PRSS23: variants seen among roughly 807,000 people sequenced by gnomAD.
PRSS23 encodes the protein serine protease 23.
A neutral mutation model predicts 34.7 loss-of-function variants in PRSS23; 25 were observed. That is an observed-to-expected ratio of 0.72 (90% CI 0.53 to 1.01). The LOEUF (loss-of-function observed/expected upper bound fraction) is 1.01, where lower values mean the gene tolerates loss of function less well. Ranked by LOEUF, PRSS23 falls within the 50% of genes least tolerant of loss-of-function variation. PRSS23 has a pLI of 0.00. For missense variants in PRSS23, 445 were observed against 475.6 expected, an observed-to-expected ratio of 0.94 and a Z score of 0.60; for synonymous variants, 176 against 186.6, an observed-to-expected ratio of 0.94 and a Z score of 0.46.
chr11:86,833,816 C>T (rs916486083), intron 2 of PRSS23, among the ~76,000 whole-genome samples: 1 of 152,154 alleles, frequency 6.6e-6, no homozygotes, highest in African/African-American at 2.4e-5. Flanking sequence ...TCAGTCCCCC[C>T]TCTCAACAGG....
chr11:86,875,733 TTC>T (rs1274169019), intron 2 of PRSS23, among the ~76,000 whole-genome samples: 1 of 152,230 alleles, frequency 6.6e-6, no homozygotes, highest in Non-Finnish European at 1.5e-5. Flanking sequence ...CCATCAATTA[TTC>T]TCTGTCATTT....
At chr11:86,901,050 G>T (rs2134983781) in intron 2 of PRSS23, among the ~76,000 whole-genome samples, 1 of 152,080 alleles carries the variant, frequency 6.6e-6, no homozygotes, top group African/African-American at 2.4e-5. Flanking sequence ...CTCCCAAAGT[G>T]CTGGGATTAC....
At chr11:86,951,809 C>A in exon 3 of PRSS23, 1 of 1,613,990 alleles carries the variant, frequency 6.2e-7, no homozygotes, top group Non-Finnish European at 8.5e-7. Context: ...CCAAATGGAG[C>A]TGGCCATTCC....
At chr11:86,904,036 A>C (rs1948927339) in intron 2 of PRSS23, among the ~76,000 whole-genome samples, 1 of 152,162 alleles carries the variant, frequency 6.6e-6, no homozygotes, top group African/African-American at 2.4e-5. Context: ...AGAAAAATAA[A>C]TCTAAAACCT....
exon 3 of PRSS23, chr11:86,952,603 CT>C: frequency 1.1e-6 from 1 of 931,874 alleles, no homozygotes. Context: ...TATCGGGAGT[CT>C]GTCTGTTTAC....
At chr11:86,841,365 A>C (rs1156647997) in intron 2 of PRSS23, among the ~76,000 whole-genome samples, 4 of 151,410 alleles carry the variant, frequency 2.6e-5, no homozygotes, top group Non-Finnish European at 4.4e-5. Context: ...AGAAGAAAAA[A>C]AAAAAAGAAC....
chr11:86,884,636 C>T (rs1488056468), intron 2 of PRSS23, among the ~76,000 whole-genome samples: 1 of 152,164 alleles, frequency 6.6e-6, no homozygotes, highest in Non-Finnish European at 1.5e-5. Context: ...TTTTCTTTCT[C>T]AAAACCTTAT....
chr11:86,839,078 G>A (rs191094355), intron 2 of PRSS23, among the ~76,000 whole-genome samples: 22 of 151,536 alleles, frequency 1.5e-4, no homozygotes, highest in South Asian at 2.1e-4. Context: ...ACAACAGAGC[G>A]CCTCTTCTCC....
intron 2 of PRSS23, among the ~76,000 whole-genome samples, chr11:86,904,222 A>C (rs1590921928): frequency 6.6e-6 from 1 of 152,114 alleles, no homozygotes; most frequent in African/African-American, 2.4e-5. Context: ...GGTGCTGTGT[A>C]TTTGCTGTCC....
chr11:86,939,520 T>C (rs1949192817), intron 2 of PRSS23, among the ~76,000 whole-genome samples: 1 of 150,134 alleles, frequency 6.7e-6, no homozygotes, highest in South Asian at 2.1e-4. Flanking sequence ...GCAAATATCA[T>C]GAGTCTTACA....
chr11:86,818,239 G>C (rs1449356244), intron 1 of PRSS23, among the ~76,000 whole-genome samples: 1 of 152,158 alleles, frequency 6.6e-6, no homozygotes, highest in African/African-American at 2.4e-5. Context: ...AATCATGTGT[G>C]ATTTGATTCA....
intron 2 of PRSS23, among the ~76,000 whole-genome samples, chr11:86,914,518 C>T (rs79340898): frequency 0.059 from 8,916 of 152,254 alleles, 313 homozygotes; most frequent in African/African-American, 0.11. Flanking sequence ...AAAATTTCTA[C>T]AAATTTCATA....
intron 2 of PRSS23, chr11:86,911,594 T>C (rs1430508536): frequency 6.6e-6 from 1 of 152,230 alleles, no homozygotes; most frequent in Non-Finnish European, 1.5e-5. Context: ...GTTTGTGAGT[T>C]ATTTCACTTA....
chr11:86,868,600 G>A (rs1481195702), intron 2 of PRSS23, among the ~76,000 whole-genome samples: 4 of 152,074 alleles, frequency 2.6e-5, no homozygotes, highest in Non-Finnish European at 5.9e-5. Flanking sequence ...CCAAGAAAAT[G>A]CCCTTGAGCA....
intron 2 of PRSS23, among the ~76,000 whole-genome samples, chr11:86,917,496 T>A (rs1949021331): frequency 6.6e-6 from 1 of 152,244 alleles, no homozygotes; most frequent in South Asian, 2.1e-4. Flanking sequence ...CAAAATAATA[T>A]CTACTTCATT....
At chr11:86,824,370 T>TAAAATA (rs372867879) in intron 2 of PRSS23, among the ~76,000 whole-genome samples, 2 of 94,700 alleles carry the variant, frequency 2.1e-5, no homozygotes, top group South Asian at 3.8e-4. Context: ...TAAAATAAAA[T>TAAAATA]AAATAAAATA....
chr11:86,892,758 G>A (rs1948850082), intron 2 of PRSS23, among the ~76,000 whole-genome samples: 2 of 152,106 alleles, frequency 1.3e-5, no homozygotes, highest in Non-Finnish European at 2.9e-5. Flanking sequence ...AAAGGGAAAT[G>A]TAGCCAGCTT....
intron 2 of PRSS23, chr11:86,937,048 G>A (rs1180716161): frequency 1.3e-5 from 2 of 152,178 alleles, no homozygotes; most frequent in Admixed American, 6.6e-5. Context: ...CTAATAGAGG[G>A]CAGTAGGAAA....
At chr11:86,844,045 A>C (rs1003581016) in intron 2 of PRSS23, among the ~76,000 whole-genome samples, 2 of 152,240 alleles carry the variant, frequency 1.3e-5, no homozygotes, top group African/African-American at 4.8e-5. Flanking sequence ...CTGGATTAAG[A>C]AAATGTGGCA....
Sources: gnomAD v4.1 joint callset for allele counts (sites outside exome capture counted in the v4.1 genomes callset) on GRCh38, gnomAD v4.1.1 for gene constraint, MANE v1.5 for transcripts, NCBI Gene and HGNC (gene_info 2026-07-23, HGNC 2026-07-21) for gene names.